The following DCDC2C variants were observed in gnomAD, a reference collection of about 807,000 sequenced individuals.
DCDC2C encodes doublecortin domain containing 2C.
A neutral mutation model predicts 45.0 loss-of-function variants in DCDC2C; 44 were observed. The observed-to-expected ratio is 0.98, with a 90% CI of 0.77 to 1.26. DCDC2C has a LOEUF of 1.26. Among genes scored for constraint, DCDC2C ranks in the 50% most tolerant of loss-of-function variants. DCDC2C has a pLI of 0.00. For synonymous variants in DCDC2C, 187 were observed against 178.8 expected (o/e 1.05, Z -0.37); for missense variants, 447 against 468.9 (o/e 0.95, Z 0.43).
At chr2:3,844,754 CT>C (rs1672287171) in intron 10 of DCDC2C, 1 of 152,178 alleles carries the variant, frequency 6.6e-6, no homozygotes, top group South Asian at 2.1e-4. Flanking sequence ...CCTCTATTCC[CT>C]AACTGTGCAA....
chr2:3,704,119 C>T, intron 1 of DCDC2C, 81 bp downstream of exon 1: 1 of 1,143,440 alleles, frequency 8.7e-7, no homozygotes, highest in Non-Finnish European at 1.1e-6. Flanking sequence ...CCGTGCCCCC[C>T]AGGTGTCCTC....
chr2:3,821,563 G>C (rs1402809829), intron 10 of DCDC2C, among the ~76,000 whole-genome samples: 1 of 152,180 alleles, frequency 6.6e-6, no homozygotes, highest in Non-Finnish European at 1.5e-5. Flanking sequence ...TCTGTATCCT[G>C]GTTTGCTGAG....
At chr2:3,723,421 C>T (rs1052514438) in intron 2 of DCDC2C, among the ~76,000 whole-genome samples, 1 of 152,112 alleles carries the variant, frequency 6.6e-6, no homozygotes, top group Admixed American at 6.5e-5. Flanking sequence ...GACAAAGATC[C>T]GTGAGTATGT....
At position 3,812,746 on chromosome 2, in the gene DCDC2C, G is replaced by A. The variant is rs148007492; in HGVS notation, c.1065+27646G>A. ...TATAAATTTCCCTCTTAACACTGCT[G>A]TAGCTGTGTCCCAGAGAGTCTGGTA... is the stretch of plus-strand genomic sequence containing the variant. On this transcript the variant is annotated intron_variant, in intron 10 of 10. Coordinates refer to ENST00000399143, the MANE Select transcript of DCDC2C (RefSeq NM_001287444.2). Among the ~76,000 whole-genome samples, 1,184 of 152,188 alleles carry A rather than the reference G, an allele frequency of 7.8e-3. 14 individuals carry two copies. Among genetic ancestry groups the A allele is most frequent in the African/African-American group, 0.027 (1,136 of 41,530 alleles).
intron 2 of DCDC2C, among the ~76,000 whole-genome samples, chr2:3,714,513 G>A (rs943783949): frequency 1.3e-5 from 2 of 152,102 alleles, no homozygotes; most frequent in Non-Finnish European, 2.9e-5. Flanking sequence ...TGAAGGATCT[G>A]TTTCAATTCT....
intron 3 of DCDC2C, among the ~76,000 whole-genome samples, chr2:3,728,443 A>G (rs1249452841): frequency 6.6e-6 from 1 of 152,222 alleles, no homozygotes; most frequent in Non-Finnish European, 1.5e-5. Flanking sequence ...ACCTCAGGGA[A>G]CGTCGTTGGT....
At position 3,829,947 on chromosome 2, in the gene DCDC2C, G is replaced by A. The variant is rs1304898738; in HGVS notation, c.1066-17207G>A. On this transcript the variant is annotated intron_variant, in intron 10 of 10. Transcript: ENST00000399143. Reference sequence around the variant, plus strand: ...CAGCTTCTGAAGCTTGCCGCTCTAAGTCTTAGCTTCTGTTGTGGAATGGAA... The same window carrying A: ...CAGCTTCTGAAGCTTGCCGCTCTAAATCTTAGCTTCTGTTGTGGAATGGAA... Among the ~76,000 whole-genome samples, 2 of 152,222 alleles carry A rather than the reference G, an allele frequency of 1.3e-5. 1 individual carries two copies. Among genetic ancestry groups the A allele is most frequent in the Admixed American group, 1.3e-4 (2 of 15,286 alleles).
intron 9 of DCDC2C, among the ~76,000 whole-genome samples, chr2:3,784,379 C>A (rs1239958263): frequency 2.6e-5 from 4 of 151,874 alleles, no homozygotes; most frequent in Non-Finnish European, 5.9e-5. Context: ...ATCTTCTGCA[C>A]TTTTTTAAAC....
intron 2 of DCDC2C, among the ~76,000 whole-genome samples, chr2:3,709,931 G>C (rs528788511): frequency 6.6e-6 from 1 of 152,264 alleles, no homozygotes; most frequent in Admixed American, 6.5e-5. Flanking sequence ...CACTGAGCAG[G>C]CACACCAGGA....
chr2:3,728,221 T>C (rs1183465541), intron 3 of DCDC2C, among the ~76,000 whole-genome samples: 1 of 152,160 alleles, frequency 6.6e-6, no homozygotes. Context: ...AGGAAGGAAA[T>C]GTGGCCGAGA....
intron 10 of DCDC2C, among the ~76,000 whole-genome samples, chr2:3,798,036 T>G (rs1195974099): frequency 6.6e-6 from 1 of 152,032 alleles, no homozygotes; most frequent in African/African-American, 2.4e-5. Flanking sequence ...AGGACTTGCT[T>G]TATGAATCTG....
In DCDC2C at chr2:3,818,987, G is replaced by A. The variant is rs1016741072; in HGVS notation, c.1066-28167G>A. Reference sequence around the variant, plus strand: ...TTTTAAGAGGTTTAGAAGCCTGGCTGTCAATAGCCACAACAGCTATGGAAG... The same window carrying A: ...TTTTAAGAGGTTTAGAAGCCTGGCTATCAATAGCCACAACAGCTATGGAAG... On this transcript the variant is annotated intron_variant, in intron 10 of 10. Coordinates refer to ENST00000399143, the MANE Select transcript of DCDC2C (RefSeq NM_001287444.2). This position sits in a 1 kb window ranked among gnomAD's most constrained non-coding sequence, Gnocchi z 4.7. Among the ~76,000 whole-genome samples, 2 of 152,180 alleles carry A rather than the reference G, an allele frequency of 1.3e-5. No homozygotes were observed. The highest frequency in any genetic ancestry group is 2.9e-5 in the Non-Finnish European group (2 of 68,038).
At chr2:3,752,376 G>A (rs994757840) in intron 4 of DCDC2C, among the ~76,000 whole-genome samples, 2 of 152,120 alleles carry the variant, frequency 1.3e-5, no homozygotes, top group African/African-American at 4.8e-5. Flanking sequence ...TTATAAAAAT[G>A]CATATTATTT....
At chr2:3,846,156 CCTA>C (rs981609860) in intron 10 of DCDC2C, among the ~76,000 whole-genome samples, 1 of 151,852 alleles carries the variant, frequency 6.6e-6, no homozygotes, top group African/African-American at 2.4e-5. Flanking sequence ...TCCTCCTCCT[CCTA>C]CTTCTTCTTC....
At position 3,769,441 on chromosome 2, in the gene DCDC2C, G is replaced by A. The variant is rs746797608; in HGVS notation, c.954+30G>A. 7.2e-6 allele frequency: 11 copies of A among 1,535,434 alleles called. No homozygotes were observed. The East Asian group carries it at 7.4e-5, about 10-fold the overall frequency. Reference sequence around the variant, plus strand: ...GTGTCCGGGGTCCGATGTCCATGCCGTCTTCACTCCATTCCATCAGCTCCT... The same window carrying A: ...GTGTCCGGGGTCCGATGTCCATGCCATCTTCACTCCATTCCATCAGCTCCT... On this transcript the variant is annotated intron_variant, in intron 8 of 10. Transcript: ENST00000399143.
At chr2:3,732,307 C>T (rs762125170) in intron 3 of DCDC2C, among the ~76,000 whole-genome samples, 24 of 152,024 alleles carry the variant, frequency 1.6e-4, no homozygotes, top group South Asian at 4.2e-4. Context: ...CTTTGTTCCA[C>T]GGTTGTTGGG....
At chr2:3,828,632 G>A (rs970595360) in intron 10 of DCDC2C, among the ~76,000 whole-genome samples, 3 of 152,206 alleles carry the variant, frequency 2.0e-5, no homozygotes, top group African/African-American at 7.2e-5. Flanking sequence ...GATTTATTTG[G>A]GAGGAGGGAA....
chr2:3,826,985 A>C (rs971429936), intron 10 of DCDC2C, among the ~76,000 whole-genome samples: 15 of 141,322 alleles, frequency 1.1e-4, no homozygotes, highest in African/African-American at 4.0e-4. Flanking sequence ...CCAATTGTTT[A>C]TTAAGTGGAC....
intron 4 of DCDC2C, among the ~76,000 whole-genome samples, chr2:3,747,308 G>A (rs1209684778): frequency 6.6e-6 from 1 of 152,200 alleles, no homozygotes; most frequent in Non-Finnish European, 1.5e-5. Context: ...CCACTAGCGG[G>A]TGTTCGGAAC....
Sources: gnomAD v4.1 joint callset for allele counts (sites outside exome capture counted in the v4.1 genomes callset) on GRCh38, gnomAD v4.1.1 for gene constraint, Gnocchi (gnomAD v3.1) non-coding constraint, MANE v1.5 for transcripts, NCBI Gene and HGNC (gene_info 2026-07-23, HGNC 2026-07-21) for gene names.